Variants in SORCS3 observed in about 807,000 individuals in gnomAD.
The protein encoded by SORCS3 is VPS10 domain-containing receptor SorCS3.
SORCS3 carries 57 observed loss-of-function variants against 146.3 expected under a neutral mutation model. That is an observed-to-expected ratio of 0.39 (90% CI 0.31 to 0.49). The LOEUF is 0.49. Among genes scored for constraint, SORCS3 ranks in the 20% least tolerant of loss-of-function variants. The pLI is 0.92. For synonymous variants in SORCS3, 653 were observed against 618.5 expected (o/e 1.06, Z -0.83); for missense variants, 1,341 against 1,575.5 (o/e 0.85, Z 2.52).
intron 1 of SORCS3, among the ~76,000 whole-genome samples, chr10:104,650,400 A>G (rs2015543798): frequency 6.6e-6 from 1 of 152,246 alleles, no homozygotes; most frequent in Admixed American, 6.5e-5. Context: ...TAGGGGTTGT[A>G]TGATGATCCA....
intron 6 of SORCS3, among the ~76,000 whole-genome samples, chr10:105,092,153 G>C (rs369446808): frequency 2.6e-5 from 4 of 152,162 alleles, no homozygotes; most frequent in African/African-American, 9.7e-5. Flanking sequence ...CAAGAATTCT[G>C]GTCCAAATTG....
At chr10:104,913,270 G>A (rs2018988874) in intron 2 of SORCS3, among the ~76,000 whole-genome samples, 1 of 152,250 alleles carries the variant, frequency 6.6e-6, no homozygotes, top group Non-Finnish European at 1.5e-5. Context: ...ATCAAATTGG[G>A]GGATCGTTGA....
intron 1 of SORCS3, among the ~76,000 whole-genome samples, chr10:104,825,522 C>A (rs535860036): frequency 4.4e-4 from 67 of 152,208 alleles, no homozygotes; most frequent in Non-Finnish European, 8.1e-4. Flanking sequence ...CCAGTTTCCT[C>A]TTCCATCAGC....
intron 1 of SORCS3, among the ~76,000 whole-genome samples, chr10:104,817,355 CT>C (rs1380019450): frequency 3.0e-3 from 400 of 132,474 alleles, no homozygotes; most frequent in Non-Finnish European, 4.9e-3. Context: ...CTCCTCCCCC[CT>C]CTTCCACCCT....
chr10:105,039,300 T>G (rs1212519412), intron 4 of SORCS3, among the ~76,000 whole-genome samples: 3 of 152,174 alleles, frequency 2.0e-5, no homozygotes, highest in Non-Finnish European at 2.9e-5. Flanking sequence ...CTGCTCTTTC[T>G]GTTCATCTCA....
chr10:105,057,012 C>T (rs1218723278), intron 5 of SORCS3, among the ~76,000 whole-genome samples: 7 of 152,064 alleles, frequency 4.6e-5, no homozygotes, highest in Admixed American at 4.6e-4. Flanking sequence ...TTGGTAGTGG[C>T]AGAATATTCC....
chr10:105,151,898 C>T (rs976247035), intron 9 of SORCS3, among the ~76,000 whole-genome samples: 3 of 152,060 alleles, frequency 2.0e-5, no homozygotes, highest in Admixed American at 6.6e-5. Context: ...AAGTAATAAT[C>T]TATCTCTTCT....
rs1243800206 is a variant in SORCS3 at position 104,641,559 on chromosome 10, G to A, written c.232G>A (p.Ala78Thr). 7 of 1,468,564 alleles carry A rather than the reference G, an allele frequency of 4.8e-6. No individual in the cohort carries two copies. The highest frequency in any genetic ancestry group is 5.4e-6 in the Non-Finnish European group (6 of 1,120,440). 91.0% of individuals were successfully genotyped at this position (1,468,564 alleles called of 1,614,324 possible). A position where few individuals can be genotyped will look rare whatever the true frequency, so the allele number is the denominator to read the frequency against. The part of the protein sequence containing the change: ...WPEELASARR[A>T]AVLGRRAGPE... ...GGAGGAGCTGGCGTCGGCGCGGAGA[G>A]CCGCCGTGCTGGGGCGCCGGGCCGG... The change falls in exon 1 of 27, where the codon GCC becomes ACC. Residue 78 changes from alanine (A) to threonine (T), a missense_variant. Ala to Thr is a moderately conservative substitution (Grantham distance 58). Transcript: ENST00000369701. The surrounding 1 kb of genome is among the most constrained non-coding windows in gnomAD (Gnocchi z 6.4).
At chr10:104,801,744 G>T (rs1264602555) in intron 1 of SORCS3, among the ~76,000 whole-genome samples, 3 of 152,210 alleles carry the variant, frequency 2.0e-5, no homozygotes, top group Non-Finnish European at 2.9e-5. Context: ...ATTGAGGGAT[G>T]CATTTAATTC....
chr10:104,947,515 T>A (rs919024647), intron 3 of SORCS3, among the ~76,000 whole-genome samples: 1 of 152,174 alleles, frequency 6.6e-6, no homozygotes, highest in African/African-American at 2.4e-5. Flanking sequence ...GCTGCGAGGC[T>A]GACCGGTGCT....
chr10:104,801,495 C>T (rs1265170699), intron 1 of SORCS3, among the ~76,000 whole-genome samples: 1 of 152,164 alleles, frequency 6.6e-6, no homozygotes, highest in Admixed American at 6.5e-5. Flanking sequence ...GGCCAGCTCC[C>T]CACCAGCCAC....
chr10:105,238,358 A>G (rs373838925), intron 20 of SORCS3, among the ~76,000 whole-genome samples: 2 of 152,340 alleles, frequency 1.3e-5, no homozygotes, highest in Admixed American at 6.5e-5. Flanking sequence ...TGCAATAGGA[A>G]TGTAAAATTA....
intron 1 of SORCS3, among the ~76,000 whole-genome samples, chr10:104,809,579 T>A (rs542108709): frequency 6.6e-6 from 1 of 152,334 alleles, no homozygotes; most frequent in South Asian, 2.1e-4. Flanking sequence ...TGACTCTTGA[T>A]TGAAGCTCAA....
intron 4 of SORCS3, among the ~76,000 whole-genome samples, chr10:105,031,774 C>T (rs2055269167): frequency 1.3e-5 from 2 of 152,242 alleles, no homozygotes; most frequent in Admixed American, 6.5e-5. Context: ...TTGCCTGCAC[C>T]TGAAAACAGT....
chr10:105,228,725 T>TG (rs983182700), intron 20 of SORCS3, among the ~76,000 whole-genome samples: 1 of 152,190 alleles, frequency 6.6e-6, no homozygotes. Flanking sequence ...CTTGGTTGAA[T>TG]GGGGGCTCAT....
At chr10:104,696,447 TAGA>T in intron 1 of SORCS3, among the ~76,000 whole-genome samples, 1 of 86,530 alleles carries the variant, frequency 1.2e-5, no homozygotes, top group African/African-American at 4.7e-5. Flanking sequence ...ATATAATATA[TAGA>T]ATATAGAATA....
chr10:105,034,458 C>T (rs1384791911), intron 4 of SORCS3, among the ~76,000 whole-genome samples: 2 of 152,078 alleles, frequency 1.3e-5, no homozygotes, highest in African/African-American at 2.4e-5. Flanking sequence ...GGGAGATGAG[C>T]ATGATGTCAT....
At chr10:104,990,217 T>C (rs966704332) in intron 4 of SORCS3, among the ~76,000 whole-genome samples, 1 of 152,212 alleles carries the variant, frequency 6.6e-6, no homozygotes, top group Non-Finnish European at 1.5e-5. Flanking sequence ...TCATGTGTGG[T>C]AACTCTGAGA....
intron 4 of SORCS3, among the ~76,000 whole-genome samples, chr10:105,002,387 G>T (rs2055067487): frequency 6.6e-6 from 1 of 152,122 alleles, no homozygotes; most frequent in South Asian, 2.1e-4. Flanking sequence ...AGACTGACTT[G>T]TGATGGCAGT....
Sources: gnomAD v4.1 joint callset for allele counts (sites outside exome capture counted in the v4.1 genomes callset) on GRCh38, gnomAD v4.1.1 for gene constraint, Gnocchi (gnomAD v3.1) non-coding constraint, MANE v1.5 for transcripts, NCBI Gene and HGNC (gene_info 2026-07-23, HGNC 2026-07-21) for gene names.